The following METAP1D variants were observed in gnomAD, a reference collection of about 807,000 sequenced individuals.
The protein encoded by METAP1D is methionine aminopeptidase 1D, mitochondrial.
Under a neutral mutation model 40.5 loss-of-function variants are expected in METAP1D, and 31 were observed. That is an observed-to-expected ratio of 0.77 (90% confidence interval 0.58 to 1.03). METAP1D has a LOEUF of 1.03. METAP1D is among the 50% of genes least tolerant of loss of function. The probability of loss-of-function intolerance (pLI) is 0.00; values close to 1 mark genes in which losing one functional copy is unlikely to be tolerated. For missense variants in METAP1D, 411 were observed against 420.7 expected, an observed-to-expected ratio of 0.98 and a Z score of 0.20; for synonymous variants, 151 against 146.4, an observed-to-expected ratio of 1.03 and a Z score of -0.22.
At chr2:172,065,193 C>A (rs1450389306) in intron 3 of METAP1D, among the ~76,000 whole-genome samples, 2 of 152,162 alleles carry the variant, frequency 1.3e-5, no homozygotes, top group East Asian at 3.8e-4. Context: ...ACTTTTCAAG[C>A]TTTTCAAGGT....
chr2:172,024,756 G>GTGTGTGTGTGTGTA (rs1553491389), intron 1 of METAP1D, among the ~76,000 whole-genome samples: 99 of 120,930 alleles, frequency 8.2e-4, no homozygotes, highest in South Asian at 1.4e-3. Context: ...GATTGTGTGT[G>GTGTGTGTGTGTGTA]TGTGTGTGTG....
At chr2:172,072,532 A>G (rs1296425238) in intron 6 of METAP1D, 1 of 166,944 alleles carries the variant, frequency 6.0e-6, no homozygotes, top group Non-Finnish European at 1.5e-5. Context: ...CACATTCATC[A>G]ACTGCAGAAA....
intron 1 of METAP1D, among the ~76,000 whole-genome samples, chr2:172,041,531 A>C (rs1225766402): frequency 7.9e-6 from 1 of 126,758 alleles, no homozygotes; most frequent in Non-Finnish European, 1.8e-5. Context: ...CTGTCCGTAA[A>C]GGAATTCATG....
chr2:172,032,684 A>T (rs1689265926), intron 1 of METAP1D, among the ~76,000 whole-genome samples: 1 of 152,214 alleles, frequency 6.6e-6, no homozygotes, highest in East Asian at 1.9e-4. Flanking sequence ...GAATCTATCT[A>T]CTGGTCATCA....
At chr2:172,052,243 C>T (rs1386171563) in intron 1 of METAP1D, among the ~76,000 whole-genome samples, 2 of 151,978 alleles carry the variant, frequency 1.3e-5, no homozygotes, top group Non-Finnish European at 2.9e-5. Context: ...TTAATTAGGC[C>T]AAAAAAATGT....
Position 172,003,085 on chromosome 2 carries a change from A to G in METAP1D, c.40+3076A>G, listed in dbSNP as rs147866719. Among the ~76,000 whole-genome samples, 659 of 152,292 alleles carry G rather than the reference A, an allele frequency of 4.3e-3. 3 individuals carry two copies. The highest frequency in any genetic ancestry group is 7.1e-3 in the Non-Finnish European group (480 of 68,020). The stretch of plus-strand genomic sequence containing the variant: ...GCTCAAAGTTAAGCTCATTAAAAGT[A>G]TACAGAATTGAGAGGCTGTTAAGAT... On this transcript the variant is annotated intron_variant, in intron 1 of 9. Coordinates refer to ENST00000315796, the MANE Select transcript of METAP1D (RefSeq NM_199227.3).
rs1286544239 is a variant in METAP1D, at chr2:172,057,466, C to T, written c.41-4032C>T. On this transcript the variant is annotated intron_variant, in intron 1 of 9. Coordinates refer to ENST00000315796, the MANE Select transcript of METAP1D (RefSeq NM_199227.3). ...AAATTTTCCATTTCATATCCACAGA[C>T]TGTCCAACTAATAGTTCTGGCAGCC... 2.0e-5 allele frequency among the ~76,000 whole-genome samples: 3 copies of T among 152,166 alleles called. No individual in the cohort carries two copies. The East Asian group carries it at 5.8e-4, about 29-fold the overall frequency.
At position 172,033,242 on chromosome 2, in the gene METAP1D, CAAAT is replaced by C. The variant is rs576057770; in HGVS notation, c.41-28253_41-28250del. ...GCTAGGGACAAATTCATTTTCTTAA[CAAAT>C]AATTTACGAGAAAGAAAAAAGGGAG... On this transcript the variant is annotated intron_variant, in intron 1 of 9. Transcript: ENST00000315796. 3.6e-4 allele frequency among the ~76,000 whole-genome samples: 55 copies of C among 151,262 alleles called. 1 individual carries two copies. The highest frequency in any genetic ancestry group is 2.9e-3 in the Admixed American group (44 of 15,176).
intron 1 of METAP1D, among the ~76,000 whole-genome samples, chr2:172,032,711 C>T (rs1488186547): frequency 6.6e-6 from 1 of 152,160 alleles, no homozygotes; most frequent in African/African-American, 2.4e-5. Flanking sequence ...GCTAACATCA[C>T]AAAAAGAGCC....
chr2:172,051,493 TG>T (rs1689883100), intron 1 of METAP1D, among the ~76,000 whole-genome samples: 1 of 152,230 alleles, frequency 6.6e-6, no homozygotes, highest in Non-Finnish European at 1.5e-5. Flanking sequence ...AAAACATTTC[TG>T]AACTTGTCAT....
At chr2:172,060,808 T>G (rs1368840264) in intron 1 of METAP1D, among the ~76,000 whole-genome samples, 1 of 152,246 alleles carries the variant, frequency 6.6e-6, no homozygotes, top group African/African-American at 2.4e-5. Context: ...TACATCTTCA[T>G]TCATCCATCA....
chr2:172,036,134 G>T (rs371872901), intron 1 of METAP1D, among the ~76,000 whole-genome samples: 5 of 151,474 alleles, frequency 3.3e-5, no homozygotes, highest in South Asian at 2.1e-4. Flanking sequence ...TGGCTAACAC[G>T]GTGAAACCCC....
chr2:172,020,606 T>C (rs1412531908), intron 1 of METAP1D, among the ~76,000 whole-genome samples: 2 of 152,196 alleles, frequency 1.3e-5, no homozygotes, highest in Non-Finnish European at 2.9e-5. Context: ...GTTCTAGTCA[T>C]TGGGAGTACA....
chr2:172,006,607 A>G (rs1049203772), intron 1 of METAP1D, among the ~76,000 whole-genome samples: 3 of 152,242 alleles, frequency 2.0e-5, no homozygotes, highest in African/African-American at 7.2e-5. Context: ...TGTATGCAGA[A>G]CTTCATTTGA....
intron 1 of METAP1D, among the ~76,000 whole-genome samples, chr2:172,025,004 A>AT (rs1479057657): frequency 6.6e-6 from 1 of 152,114 alleles, no homozygotes; most frequent in African/African-American, 2.4e-5. Flanking sequence ...CCAAACTTTG[A>AT]TTTTCTCATT....
At chr2:172,021,266 A>G (rs1369672574) in intron 1 of METAP1D, among the ~76,000 whole-genome samples, 2 of 152,212 alleles carry the variant, frequency 1.3e-5, no homozygotes, top group Non-Finnish European at 2.9e-5. Context: ...AGGAAGCTGG[A>G]GATTTGAGCT....
chr2:172,020,574 G>A (rs187884194), intron 1 of METAP1D, among the ~76,000 whole-genome samples: 1 of 152,198 alleles, frequency 6.6e-6, no homozygotes, highest in East Asian at 1.9e-4. Context: ...AACTATTGAG[G>A]GCTTACTATA....
chr2:172,045,812 T>TATATATATATATAC (rs1689740532), intron 1 of METAP1D, among the ~76,000 whole-genome samples: 1 of 59,432 alleles, frequency 1.7e-5, no homozygotes, highest in African/African-American at 6.1e-5. Context: ...TGTGTGTGTG[T>TATATATATATATAC]GTGTGTGTAT....
Position 172,071,078 on chromosome 2 carries a change from T to C in METAP1D, c.704+8T>C. ...AATTGGAAACACAATCAGGTAAGCC[T>C]TACATTGACAAGTAAAGGGAGGGTT... On this transcript the variant is annotated splice_region_variant and intron_variant, in intron 6 of 9. Coordinates refer to ENST00000315796, the MANE Select transcript of METAP1D (RefSeq NM_199227.3). 1 of 1,597,410 alleles carries C rather than the reference T, an allele frequency of 6.3e-7. No homozygotes were observed. The highest frequency in any genetic ancestry group is 2.3e-5 in the East Asian group (1 of 44,430).
Sources: allele counts gnomAD v4.1 joint callset (sites outside exome capture counted in the v4.1 genomes callset), GRCh38; gene constraint gnomAD v4.1.1; transcripts MANE v1.5; gene names NCBI Gene and HGNC (gene_info 2026-07-23, HGNC 2026-07-21).